The following CD36 variants were observed in gnomAD, a reference collection of about 807,000 sequenced individuals.
CD36 encodes the protein platelet glycoprotein 4.
Under a neutral mutation model 55.2 loss-of-function variants are expected in CD36, and 119 were observed. That is an observed-to-expected ratio of 2.15 (90% CI 1.86 to 2.51). The LOEUF (loss-of-function observed/expected upper bound fraction) is 2.51. Ranked by LOEUF, CD36 falls within the 30% of genes most tolerant of loss-of-function variation. The pLI is 0.00. For synonymous variants in CD36, 186 were observed against 193.6 expected, an observed-to-expected ratio of 0.96 and a Z score of 0.33; for missense variants, 819 against 555.5, an observed-to-expected ratio of 1.47 and a Z score of -4.77.
At chr7:80,654,699 C>T (rs1795903432) in intron 3 of CD36, among the ~76,000 whole-genome samples, 1 of 152,128 alleles carries the variant, frequency 6.6e-6, no homozygotes, top group African/African-American at 2.4e-5. Flanking sequence ...ATCACTCTAG[C>T]AGGTCCAATG....
rs1307971636 is a variant in CD36 at position 80,674,120 on chromosome 7, T to G, written c.1392T>G (p.Cys464Trp). The G allele has an allele frequency of 6.2e-7, 1 of 1,612,106 alleles. No individual in the cohort carries two copies. Among genetic ancestry groups the G allele is most frequent in the East Asian group, 2.2e-5 (1 of 44,708 alleles). ...VMFVAFMISYCACRSKTIK is the reference protein window; with the variant it reads ...VMFVAFMISYWACRSKTIK ...TTGTTGCTTTTATGATTTCATATTGTGCATGCAGATCGAAAACAATAAAAT... is the reference window on the plus strand; with the variant it reads ...TTGTTGCTTTTATGATTTCATATTGGGCATGCAGATCGAAAACAATAAAAT... The change falls in exon 14 of 15, where the codon TGT becomes TGG. Residue 464 changes from cysteine (C) to tryptophan (W), a missense_variant. Coordinates refer to ENST00000447544, the MANE Select transcript of CD36 (RefSeq NM_001001548.3).
At chr7:80,673,051 G>T in intron 12 of CD36, 3 of 555,472 alleles carry the variant, frequency 5.4e-6, no homozygotes, top group Non-Finnish European at 9.6e-6. Flanking sequence ...GCATTTGATA[G>T]CATCTCTTAT....
chr7:80,659,394 C>T (rs1584412311), intron 4 of CD36, among the ~76,000 whole-genome samples: 1 of 152,138 alleles, frequency 6.6e-6, no homozygotes, highest in African/African-American at 2.4e-5. Flanking sequence ...TGTGTTTCTA[C>T]CTACACCATC....
Position 80,676,418 on chromosome 7 carries a change from T to C in CD36, c.*35T>C, listed in dbSNP as rs1253788760. ...AAGCACAAACCAATTTGTGTTGTTC[T>C]GATTCAATAATTGGTTTCTGGGTGG... On this transcript the variant is annotated 3_prime_UTR_variant, in exon 15 of 15. Transcript: ENST00000447544. 6.6e-6 allele frequency: 1 copy of C among 152,206 alleles called. No homozygotes were observed. The highest frequency in any genetic ancestry group is 2.4e-5 in the African/African-American group (1 of 41,456). The allele number at this position is 152,206 out of a possible 1,614,324, so 9.4% of individuals were successfully genotyped here.
chr7:80,635,003 G>A (rs1442442439), upstream of CD36, among the ~76,000 whole-genome samples: 1 of 151,776 alleles, frequency 6.6e-6, no homozygotes, highest in Admixed American at 6.6e-5. Flanking sequence ...TTAAGAAAGG[G>A]ACAAAGCAAT....
chr7:80,677,616 A>AT lies in CD36; in HGVS notation c.*1233_*1234insT. On this transcript the variant is annotated 3_prime_UTR_variant, in exon 15 of 15. Transcript: ENST00000447544. ...GGAAGATAAAAGAAGTATCTGTCCA[A>AT]GATATTAATATGTAAGATAACATTG... The AT allele has an allele frequency of 6.6e-6, 1 of 152,286 alleles. No homozygotes were observed. The highest frequency in any genetic ancestry group is 1.9e-4 in the East Asian group (1 of 5,174). 9.4% of individuals were successfully genotyped at this position (152,286 alleles called of 1,614,324 possible). A position where few individuals can be genotyped will look rare whatever the true frequency, so the allele number is the denominator to read the frequency against.
chr7:80,658,692 C>T (rs983392892), intron 4 of CD36, among the ~76,000 whole-genome samples: 4 of 152,050 alleles, frequency 2.6e-5, no homozygotes, highest in Non-Finnish European at 4.4e-5. Flanking sequence ...GACAAGGTTT[C>T]GCCATGTTGC....
rs1798198028 is a variant in CD36, at chr7:80,677,461, A to G, written c.*1078A>G. The G allele has an allele frequency of 6.6e-6, 1 of 152,174 alleles. No individual in the cohort carries two copies. Among genetic ancestry groups the G allele is most frequent in the African/African-American group, 2.4e-5 (1 of 41,444 alleles). The allele number at this position is 152,174 out of a possible 1,614,324, so 9.4% of individuals were successfully genotyped here. Reference sequence around the variant, plus strand: ...GAAAATAACTTTTAGCCTCCTCCTTATGATAGCCGCCAGAGTAAATGTTGA... The same window carrying G: ...GAAAATAACTTTTAGCCTCCTCCTTGTGATAGCCGCCAGAGTAAATGTTGA... On this transcript the variant is annotated 3_prime_UTR_variant, in exon 15 of 15. Coordinates refer to ENST00000447544, the MANE Select transcript of CD36 (RefSeq NM_001001548.3).
upstream of CD36, among the ~76,000 whole-genome samples, chr7:80,636,650 A>T (rs371691698): frequency 3.9e-5 from 6 of 152,288 alleles, no homozygotes; most frequent in East Asian, 1.2e-3. Context: ...ACATAAAGCA[A>T]GGTATATGCT....
intron 1 of CD36, among the ~76,000 whole-genome samples, chr7:80,645,271 C>A (rs1336555855): frequency 6.6e-6 from 1 of 151,390 alleles, no homozygotes; most frequent in Non-Finnish European, 1.5e-5. Flanking sequence ...CCACCCGCCT[C>A]AGCCTTCCAA....
intron 9 of CD36, 50 bp downstream of exon 9, chr7:80,670,072 C>T (rs1797511349): frequency 9.0e-7 from 1 of 1,112,438 alleles, no homozygotes; most frequent in African/African-American, 1.5e-5. Context: ...CCCCAGGTGA[C>T]AAAATGCAGA....
At chr7:80,623,504 C>A (rs200075828) in intron 1 of CD36, among the ~76,000 whole-genome samples, 3 of 598 alleles carry the variant, frequency 5.0e-3, no homozygotes, top group Admixed American at 0.042. Flanking sequence ...TACTGTAATT[C>A]TTATTTTTAG....
intron 7 of CD36, among the ~76,000 whole-genome samples, chr7:80,664,803 GC>G (rs1796882169): frequency 6.7e-6 from 1 of 148,688 alleles, no homozygotes; most frequent in Admixed American, 6.7e-5. Flanking sequence ...TACTTATCCA[GC>G]ATTACAGTAT....
intron 13 of CD36, 121 bp downstream of exon 13, chr7:80,673,530 G>A (rs1254033229): frequency 1.4e-6 from 1 of 724,592 alleles, no homozygotes; most frequent in Non-Finnish European, 2.5e-6. Context: ...CCATATGGAT[G>A]AGTATACATT....
chr7:80,632,877 C>T lies in CD36; in HGVS notation c.-183-13211C>T, dbSNP rs148327544. On this transcript the variant is annotated intron_variant, in intron 1 of 13. Transcript: ENST00000309881. ...TTCTCAGAACTAAAATTTGTGGTAC[C>T]CTTAATGACAATGAATTTTTTCTTT... Among the ~76,000 whole-genome samples, 717 of 151,804 alleles carry T rather than the reference C, an allele frequency of 4.7e-3. 7 individuals carry two copies. The highest frequency in any genetic ancestry group is 0.017 in the African/African-American group (692 of 41,452).
chr7:80,672,038 C>T lies in CD36; in HGVS notation c.1123C>T (p.Pro375Ser), dbSNP rs564971571. The change falls in exon 11 of 15, where the codon CCT becomes TCT. Residue 375 changes from proline to serine, a missense_variant and splice_region_variant. Physicochemically the swap from Pro to Ser is moderately conservative, Grantham distance 74. Coordinates refer to ENST00000447544, the MANE Select transcript of CD36 (RefSeq NM_001001548.3). Reference sequence around the variant, plus strand: ...ACATAGGACATACTTGGATATTGAACCTGTAAGAAAACACCTTATTGATCT... The same window carrying T: ...ACATAGGACATACTTGGATATTGAATCTGTAAGAAAACACCTTATTGATCT... Reference protein sequence around the residue: ...EEHRTYLDIEPITGFTLQFAK... With the variant: ...EEHRTYLDIESITGFTLQFAK... 6 of 1,603,706 alleles carry T rather than the reference C, an allele frequency of 3.7e-6. No individual in the cohort carries two copies. In the East Asian group the frequency reaches 6.7e-5, roughly 18 times the overall value.
At chr7:80,651,434 C>G (rs1795611796) in intron 3 of CD36, among the ~76,000 whole-genome samples, 1 of 152,040 alleles carries the variant, frequency 6.6e-6, no homozygotes, top group Admixed American at 6.6e-5. Context: ...TTCTATAGTT[C>G]TAACTATAGA....
intron 4 of CD36, among the ~76,000 whole-genome samples, chr7:80,658,264 A>G (rs1454847226): frequency 7.0e-6 from 1 of 143,100 alleles, no homozygotes; most frequent in Non-Finnish European, 1.6e-5. Flanking sequence ...TGTTAGGTGT[A>G]CCATATATAT....
intron 2 of CD36, 51 bp from the exon 3 acceptor site, chr7:80,646,601 T>C (rs1795184192): frequency 9.9e-7 from 1 of 1,010,108 alleles, no homozygotes; most frequent in Non-Finnish European, 1.5e-6. Flanking sequence ...TACTTTGATC[T>C]TTTTGTACTG....
Sources: allele counts gnomAD v4.1 joint callset (sites outside exome capture counted in the v4.1 genomes callset), GRCh38; gene constraint gnomAD v4.1.1; transcripts MANE v1.5; gene names NCBI Gene and HGNC (gene_info 2026-07-23, HGNC 2026-07-21).